FNDC1: variants seen among roughly 807,000 people sequenced by gnomAD.
The protein encoded by FNDC1 is fibronectin type III domain containing 1.
In FNDC1, 96 loss-of-function variants were observed where a neutral mutation model predicts 168.0. That is an observed-to-expected ratio of 0.57 (90% CI 0.48 to 0.68). FNDC1 has a LOEUF of 0.68. Ranked by LOEUF, FNDC1 falls within the 30% of genes least tolerant of loss-of-function variation. The pLI is 0.00. For synonymous variants in FNDC1, 1,099 were observed against 1,025.9 expected (o/e 1.07, Z -1.36); for missense variants, 2,587 against 2,482.1 (o/e 1.04, Z -0.90).
chr6:159,213,140 C>T (rs1782639081), intron 4 of FNDC1, among the ~76,000 whole-genome samples: 1 of 152,222 alleles, frequency 6.6e-6, no homozygotes, highest in Non-Finnish European at 1.5e-5. Flanking sequence ...CAAAGCTGTT[C>T]AGTGGGCCTG....
At chr6:159,256,381 C>G (rs540511039) in intron 17 of FNDC1, 142 bp from the exon 18 acceptor site, 130 of 658,626 alleles carry the variant, frequency 2.0e-4, no homozygotes, top group Non-Finnish European at 3.3e-4. Flanking sequence ...TCCTGTCCCA[C>G]AGTGCCGCGT....
At chr6:159,174,831 C>T (rs1283094606) in intron 1 of FNDC1, among the ~76,000 whole-genome samples, 3 of 152,192 alleles carry the variant, frequency 2.0e-5, no homozygotes, top group East Asian at 3.8e-4. Flanking sequence ...GGGGTGAGAG[C>T]AAGGGATGTC....
Position 159,226,524 on chromosome 6 carries a change from C to A in FNDC1, c.1124C>A (p.Pro375His). Residue 375 changes from proline to histidine, a missense_variant, in exon 9 of 23, where the codon CCT becomes CAT. Coordinates refer to ENST00000297267, the MANE Select transcript of FNDC1 (RefSeq NM_032532.3). ...NLNVWPVNGK[P>H]TVVAASWDAL... ...AACGTCTGGCCAGTCAATGGCAAAC[C>A]TACAGTTGTCGCTGCATCTTGGGAT... is the stretch of plus-strand genomic sequence containing the variant. 6.2e-7 allele frequency: 1 copy of A among 1,612,080 alleles called. No homozygotes were observed. The highest frequency in any genetic ancestry group is 8.5e-7 in the Non-Finnish European group (1 of 1,179,144).
At chr6:159,264,359 T>C (rs1777550593) in intron 19 of FNDC1, among the ~76,000 whole-genome samples, 1 of 152,250 alleles carries the variant, frequency 6.6e-6, no homozygotes, top group Non-Finnish European at 1.5e-5. Flanking sequence ...TTGACTGGCT[T>C]CTCTCACCTA....
At chr6:159,197,149 A>G (rs1782259831) in intron 1 of FNDC1, among the ~76,000 whole-genome samples, 1 of 152,218 alleles carries the variant, frequency 6.6e-6, no homozygotes, top group African/African-American at 2.4e-5. Context: ...AAGACAGTGT[A>G]ATCAAGCCAG....
chr6:159,225,361 AACT>A (rs1782929931), intron 7 of FNDC1, among the ~76,000 whole-genome samples, 171 bp from the exon 8 acceptor site: 1 of 152,170 alleles, frequency 6.6e-6, no homozygotes, highest in African/African-American at 2.4e-5. Context: ...CACTTTAGAC[AACT>A]TTGCTTGGAA....
At position 159,256,615 on chromosome 6, in the gene FNDC1, C is replaced by G. The variant is rs772862975; in HGVS notation, c.5158C>G (p.Leu1720Val). Reference protein sequence around the residue: ...SSVTHLPIENLKPNTRYYFKV... With the variant: ...SSVTHLPIENVKPNTRYYFKV... Reference sequence around the variant, plus strand: ...AGTAACTCACTTGCCCATTGAGAACCTAAAGCCCAACACGAGGTACGATGT... The same window carrying G: ...AGTAACTCACTTGCCCATTGAGAACGTAAAGCCCAACACGAGGTACGATGT... Residue 1720 changes from leucine (L) to valine (V), a missense_variant, in exon 18 of 23, where the codon CTA becomes GTA. Transcript: ENST00000297267. 3 of 1,612,380 alleles carry G rather than the reference C, an allele frequency of 1.9e-6. No homozygotes were observed. The highest frequency in any genetic ancestry group is 2.5e-6 in the Non-Finnish European group (3 of 1,178,448).
intron 19 of FNDC1, among the ~76,000 whole-genome samples, chr6:159,264,475 C>G (rs1223402492): frequency 6.6e-6 from 1 of 152,200 alleles, no homozygotes; most frequent in African/African-American, 2.4e-5. Flanking sequence ...AGTTTGTTTA[C>G]CTAGTCAGAT....
chr6:159,172,783 G>T (rs967472742), intron 1 of FNDC1, among the ~76,000 whole-genome samples: 2 of 152,148 alleles, frequency 1.3e-5, no homozygotes, highest in Non-Finnish European at 2.9e-5. Context: ...TAATATCAAA[G>T]ATTTTTCAAA....
At chr6:159,172,419 A>T (rs942911168) in intron 1 of FNDC1, among the ~76,000 whole-genome samples, 1 of 152,272 alleles carries the variant, frequency 6.6e-6, no homozygotes, top group Admixed American at 6.5e-5. Flanking sequence ...TTGCTTGCCA[A>T]TGATAACATT....
At chr6:159,237,430 T>C in intron 12 of FNDC1, among the ~76,000 whole-genome samples, 1 of 152,216 alleles carries the variant, frequency 6.6e-6, no homozygotes, top group East Asian at 1.9e-4. Context: ...TCCAGGACCA[T>C]GCTTTGAGAA....
chr6:159,210,611 T>C (rs1172670978), intron 4 of FNDC1, among the ~76,000 whole-genome samples: 2 of 152,184 alleles, frequency 1.3e-5, no homozygotes, highest in Non-Finnish European at 2.9e-5. Context: ...TGTAAATCAA[T>C]TCAAAGGTGT....
intron 1 of FNDC1, among the ~76,000 whole-genome samples, chr6:159,181,154 A>ATAAT (rs1250831104): frequency 6.6e-6 from 1 of 152,138 alleles, no homozygotes; most frequent in East Asian, 1.9e-4. Context: ...TTGTTTCTTG[A>ATAAT]CTTCTTAATA....
chr6:159,173,775 C>T (rs765561968), intron 1 of FNDC1, among the ~76,000 whole-genome samples: 3 of 152,256 alleles, frequency 2.0e-5, no homozygotes, highest in East Asian at 1.9e-4. Context: ...CTGAAATGTG[C>T]GGTACTGGGC....
At chr6:159,238,097 CTT>C (rs61358656) in intron 12 of FNDC1, among the ~76,000 whole-genome samples, 20,029 of 134,794 alleles carry the variant, frequency 0.15, 1,412 homozygotes, top group East Asian at 0.36. Context: ...CTGTTTTGTA[CTT>C]TTTTTTTTTT....
chr6:159,268,168 A>T (rs1431046438), intron 22 of FNDC1, among the ~76,000 whole-genome samples: 2 of 152,200 alleles, frequency 1.3e-5, no homozygotes, highest in African/African-American at 4.8e-5. Context: ...GAAGGCAAAG[A>T]TAAACACACA....
chr6:159,237,800 A>T (rs1783298260), intron 12 of FNDC1, among the ~76,000 whole-genome samples: 1 of 152,236 alleles, frequency 6.6e-6, no homozygotes, highest in Admixed American at 6.5e-5. Flanking sequence ...TTTTAAGCTT[A>T]TATATGCAAA....
intron 4 of FNDC1, among the ~76,000 whole-genome samples, chr6:159,208,696 A>G (rs1378969847): frequency 6.6e-6 from 1 of 152,188 alleles, no homozygotes; most frequent in Non-Finnish European, 1.5e-5. Flanking sequence ...CCACTGCCAT[A>G]CCTGTGATTC....
intron 22 of FNDC1, among the ~76,000 whole-genome samples, chr6:159,269,503 C>CTAACTATCTATCG (rs1562316105): frequency 1.8e-5 from 2 of 108,292 alleles, no homozygotes; most frequent in African/African-American, 6.7e-5. Context: ...TCTATCTATC[C>CTAACTATCTATCG]ATCCATCCAT....
Sources: allele counts gnomAD v4.1 joint callset (sites outside exome capture counted in the v4.1 genomes callset), GRCh38; gene constraint gnomAD v4.1.1; transcripts MANE v1.5; gene names NCBI Gene and HGNC (gene_info 2026-07-23, HGNC 2026-07-21).